RHOBTB2: variants seen among roughly 807,000 people sequenced by gnomAD.
RHOBTB2 encodes rho-related BTB domain-containing protein 2.
In RHOBTB2, 39 loss-of-function variants were observed where a neutral mutation model predicts 66.5. The observed-to-expected ratio is 0.59, with a 90% CI of 0.45 to 0.77. The LOEUF is 0.77. Ranked by LOEUF, RHOBTB2 falls within the 30% of genes least tolerant of loss-of-function variation. The probability of loss-of-function intolerance (pLI) is 0.00; values close to 1 mark genes in which losing one functional copy is unlikely to be tolerated. For missense variants in RHOBTB2, 755 were observed against 999.1 expected, an observed-to-expected ratio of 0.76 and a Z score of 3.29; for synonymous variants, 390 against 395.0, an observed-to-expected ratio of 0.99 and a Z score of 0.15.
rs1273690245 is a variant in RHOBTB2 at position 23,006,633 on chromosome 8, C to A, written c.483-95C>A. The A allele has an allele frequency of 5.5e-6, 7 of 1,276,954 alleles. No homozygotes were observed. Among genetic ancestry groups the A allele is most frequent in the Admixed American group, 4.0e-5 (2 of 49,662 alleles). The allele number at this position is 1,276,954 out of a possible 1,614,324, so 79.1% of individuals were successfully genotyped here. On this transcript the variant is annotated intron_variant, in intron 4 of 9. Coordinates refer to ENST00000251822, the MANE Select transcript of RHOBTB2 (RefSeq NM_015178.3). This position sits in a 1 kb window ranked among gnomAD's most constrained non-coding sequence, Gnocchi z 6.1. ...GGGCAGGAGTGGGTGGGGATTGGCA[C>A]CCAGATCCTGAGCAGAGTCCCTCCA...
In RHOBTB2 at chr8:23,019,992, C is replaced by G. The variant is rs1451340613; in HGVS notation, c.*2523C>G. ...CTGGGGAGTCGGATTCAGGAAACACCCCCAGGAGGCCAAGCCTGAAAACAG... is the reference window on the plus strand; with the variant it reads ...CTGGGGAGTCGGATTCAGGAAACACGCCCAGGAGGCCAAGCCTGAAAACAG... On this transcript the variant is annotated 3_prime_UTR_variant, in exon 10 of 10. Transcript: ENST00000251822. 1 of 315,462 alleles carries G rather than the reference C, an allele frequency of 3.2e-6. No homozygotes were observed. Among genetic ancestry groups the G allele is most frequent in the Non-Finnish European group, 6.2e-6 (1 of 161,854 alleles). The allele number at this position is 315,462 out of a possible 1,614,324, so 19.5% of individuals were successfully genotyped here.
At chr8:22,965,795 T>C in the RHOBTB2 span, among the ~76,000 whole-genome samples, 1 of 152,238 alleles carries the variant, frequency 6.6e-6, no homozygotes, top group Non-Finnish European at 1.5e-5. Context: ...AAAGGTCTAA[T>C]TGTAAGAGCT....
At chr8:23,014,354 C>T (rs1811228359) in intron 7 of RHOBTB2, among the ~76,000 whole-genome samples, 1 of 152,222 alleles carries the variant, frequency 6.6e-6, no homozygotes. Context: ...CATGAGGTTT[C>T]ACACACTCTC....
At chr8:22,990,343 C>T (rs941834656) in intron 1 of RHOBTB2, among the ~76,000 whole-genome samples, 7 of 152,160 alleles carry the variant, frequency 4.6e-5, no homozygotes, top group African/African-American at 7.2e-5. Flanking sequence ...GTGCCACCTT[C>T]GCCCTCCACA....
intron 7 of RHOBTB2, 115 bp from the exon 8 acceptor site, chr8:23,014,575 G>A (rs947085159): frequency 2.1e-5 from 19 of 921,032 alleles, no homozygotes; most frequent in African/African-American, 3.3e-5. Context: ...TGGCCTGTCC[G>A]GACCTGCCCG....
chr8:23,006,040 T>G lies in RHOBTB2; in HGVS notation c.377T>G (p.Ile126Ser). The G allele has an allele frequency of 6.2e-7, 1 of 1,613,822 alleles. No homozygotes were observed. Among genetic ancestry groups the G allele is most frequent in the Non-Finnish European group, 8.5e-7 (1 of 1,179,876 alleles). Residue 126 changes from isoleucine (I) to serine (S), a missense_variant, in exon 4 of 10, where the codon ATC becomes AGC. Transcript: ENST00000251822. The surrounding 1 kb of genome is among the most constrained non-coding windows in gnomAD (Gnocchi z 6.1). ...HHVKTMWYPE[I>S]KHFCPRAPVI... is the part of the protein sequence containing the mutation. Reference sequence around the variant, plus strand: ...GTCAAGACCATGTGGTACCCAGAAATCAAGCACTTCTGCCCCCGAGCACCT... The same window carrying G: ...GTCAAGACCATGTGGTACCCAGAAAGCAAGCACTTCTGCCCCCGAGCACCT...
the RHOBTB2 span, among the ~76,000 whole-genome samples, chr8:22,976,334 T>C: frequency 6.6e-6 from 1 of 152,050 alleles, no homozygotes; most frequent in East Asian, 1.9e-4. Context: ...TCCCAGGACA[T>C]CCTACTGCAA....
Position 23,017,424 on chromosome 8 carries a change from G to C in RHOBTB2, c.2139G>C (p.Ser713=), listed in dbSNP as rs138772875. The C allele has an allele frequency of 1.9e-6, 3 of 1,610,276 alleles. No individual in the cohort carries two copies. Among genetic ancestry groups the C allele is most frequent in the Non-Finnish European group, 2.5e-6 (3 of 1,178,290 alleles). The change falls in exon 10 of 10, where the codon TCG becomes TCC. Residue 713 remains serine (S), a synonymous_variant. Transcript: ENST00000251822. The surrounding 1 kb of genome is among the most constrained non-coding windows in gnomAD (Gnocchi z 5.3). The part of the protein sequence containing the change: ...FWNSPSSPSS[S]AASSSSPSSS... Reference sequence around the variant, plus strand: ...ACAGTCCATCCTCCCCGTCTTCCTCGGCAGCCTCCTCCTCATCCCCATCTT... The same window carrying C: ...ACAGTCCATCCTCCCCGTCTTCCTCCGCAGCCTCCTCCTCATCCCCATCTT...
chr8:22,952,958 G>A, the RHOBTB2 span, among the ~76,000 whole-genome samples: 6 of 152,100 alleles, frequency 3.9e-5, no homozygotes, highest in African/African-American at 1.4e-4. Context: ...ACTTGGAAGA[G>A]CACCAAGTGG....
At chr8:22,997,304 C>G (rs2128799687), upstream of RHOBTB2, among the ~76,000 whole-genome samples, 1 of 152,064 alleles carries the variant, frequency 6.6e-6, no homozygotes, top group South Asian at 2.1e-4. Flanking sequence ...CATGACAGCC[C>G]TAGAGGTGAA....
chr8:22,978,120 C>T, the RHOBTB2 span: 1 of 149,648 alleles, frequency 6.7e-6, no homozygotes, highest in Non-Finnish European at 1.5e-5. Context: ...TAGTGAGACC[C>T]CATCTCTAAA....
rs1156644838 is a variant in RHOBTB2, at chr8:23,008,117, G to C, written c.1620+6G>C. The stretch of plus-strand genomic sequence containing the variant: ...TGGAGAGCTCCACCCGGGAGGTAAG[G>C]CTGAGGACACAAAGGGGGGAAGGAG... On this transcript the variant is annotated splice_donor_region_variant and intron_variant, in intron 6 of 9. Transcript: ENST00000251822. The C allele has an allele frequency of 6.3e-7, 1 of 1,588,070 alleles. No homozygotes were observed. The highest frequency in any genetic ancestry group is 1.4e-5 in the African/African-American group (1 of 73,600).
At chr8:22,954,072 G>A in the RHOBTB2 span, among the ~76,000 whole-genome samples, 1 of 152,176 alleles carries the variant, frequency 6.6e-6, no homozygotes, top group Non-Finnish European at 1.5e-5. Context: ...CTGTTAAAGG[G>A]TGGTTTCAAA....
rs761315634 is a variant in RHOBTB2, at chr8:23,014,700, A to G, written c.1782A>G (p.Thr594=). ...CCGTGTGTGTTACAGAGCAGTACAC[A>G]GTGACCGGGCTGATGGAAGCGACCC... ...PHLVALTEQY[T]VTGLMEATQM... The change falls in exon 8 of 10, where the codon ACA becomes ACG. Residue 594 remains threonine (T), a synonymous_variant. Transcript: ENST00000251822. 2.5e-6 allele frequency: 4 copies of G among 1,614,084 alleles called. No individual in the cohort carries two copies. In the South Asian group the frequency reaches 4.4e-5, roughly 18 times the overall value.
At chr8:22,969,133 A>G in the RHOBTB2 span, among the ~76,000 whole-genome samples, 1 of 152,228 alleles carries the variant, frequency 6.6e-6, no homozygotes, top group Non-Finnish European at 1.5e-5. Flanking sequence ...GGTGAAAGGC[A>G]CATCTTAAAT....
chr8:22,962,485 G>A, the RHOBTB2 span, among the ~76,000 whole-genome samples: 1 of 152,144 alleles, frequency 6.6e-6, no homozygotes, highest in Admixed American at 6.5e-5. Context: ...AGAAGATGTT[G>A]CTAAACTTTG....
At chr8:22,987,372 G>A (rs73557898), upstream of RHOBTB2, 15,098 of 152,530 alleles carry the variant, frequency 0.099, 1,968 homozygotes, top group African/African-American at 0.3. Flanking sequence ...CCCTGGAGGA[G>A]GAGGGAACTG....
At chr8:22,966,666 C>T in the RHOBTB2 span, among the ~76,000 whole-genome samples, 9 of 151,820 alleles carry the variant, frequency 5.9e-5, no homozygotes, top group Non-Finnish European at 1.2e-4. Context: ...AACAACAATG[C>T]TCAATATTAT....
At chr8:22,975,879 G>A in the RHOBTB2 span, among the ~76,000 whole-genome samples, 2 of 152,136 alleles carry the variant, frequency 1.3e-5, no homozygotes, top group Non-Finnish European at 2.9e-5. Context: ...CAGGTGCGGT[G>A]GCTCACACCT....
Sources: allele counts gnomAD v4.1 joint callset (sites outside exome capture counted in the v4.1 genomes callset), GRCh38; gene constraint gnomAD v4.1.1; non-coding constraint Gnocchi (gnomAD v3.1); transcripts MANE v1.5; gene names NCBI Gene and HGNC (gene_info 2026-07-23, HGNC 2026-07-21).